GSDME: variants seen among roughly 807,000 people sequenced by gnomAD.
GSDME encodes gasdermin-E.
A neutral mutation model predicts 47.5 loss-of-function variants in GSDME; 44 were observed. The ratio of observed to expected loss-of-function variants is 0.93; its 90% CI spans 0.73 to 1.19. The LOEUF is 1.19. GSDME is among the 50% of genes most tolerant of loss of function. The pLI, the probability that GSDME is intolerant of heterozygous loss-of-function variation, is 0.00. For synonymous variants in GSDME, 258 were observed against 252.8 expected (o/e 1.02, Z -0.20); for missense variants, 663 against 604.2 (o/e 1.10, Z -1.02).
In GSDME at chr7:24,744,959, G is replaced by A. The variant is rs1208987100; in HGVS notation, c.212-205C>T. ...GTGTGTGTGTGTGTGTGTGGACCGC[G>A]GGCACACAGTGGACCAGTGCAGCAC... On this transcript the variant is annotated intron_variant, in intron 2 of 9. Coordinates refer to ENST00000645220, the MANE Select transcript of GSDME (RefSeq NM_001127453.2). The surrounding 1 kb of genome is among the most constrained non-coding windows in gnomAD (Gnocchi z 4.5). Among the ~76,000 whole-genome samples, 1 of 131,212 alleles carries A rather than the reference G, an allele frequency of 7.6e-6. No homozygotes were observed. Among genetic ancestry groups the A allele is most frequent in the African/African-American group, 2.9e-5 (1 of 35,050 alleles). The allele number at this position is 131,212 out of a possible 152,430, so 86.1% of individuals were successfully genotyped here.
At chr7:24,707,537 A>G (rs71535708) in intron 7 of GSDME, 17,850 of 408,926 alleles carry the variant, frequency 0.044, 489 homozygotes, top group Non-Finnish European at 0.058. Flanking sequence ...GTAGTGGCCC[A>G]CCAACATATG....
the GSDME span, among the ~76,000 whole-genome samples, chr7:24,766,214 T>TGTGTGCAC: frequency 1.3e-5 from 2 of 151,294 alleles, no homozygotes; most frequent in Non-Finnish European, 2.9e-5. This position sits in a 1 kb window ranked among gnomAD's most constrained non-coding sequence, Gnocchi z 4.2. Flanking sequence ...TGTGTGTGTG[T>TGTGTGCAC]GCATGTTTGC....
rs1322630032 is a variant in GSDME at position 24,714,626 on chromosome 7, A to C, written c.697+2628T>G. On this transcript the variant is annotated intron_variant, in intron 5 of 9. Transcript: ENST00000645220. The surrounding 1 kb of genome is among the most constrained non-coding windows in gnomAD (Gnocchi z 5.0). ...GCAGCACAAAGAGGAGTTTATTTTC[A>C]AAGACAGTGGAAGCTGGAAAAGATA... 1.3e-5 allele frequency among the ~76,000 whole-genome samples: 2 copies of C among 152,180 alleles called. No homozygotes were observed. The highest frequency in any genetic ancestry group is 2.9e-5 in the Non-Finnish European group (2 of 68,038).
In GSDME at chr7:24,709,755, C is replaced by T. The variant is rs77255349; in HGVS notation, c.862+469G>A. Among the ~76,000 whole-genome samples the T allele has an allele frequency of 2.8e-3, 432 of 152,308 alleles. 1 individual carries two copies. The highest frequency in any genetic ancestry group is 0.01 in the African/African-American group (418 of 41,564). ...GCCCCTCTTCCTCTTTGGCACCATG[C>T]AGTCCATGCCATGTGGATAAAGAGC... On this transcript the variant is annotated intron_variant, in intron 6 of 9. Coordinates refer to ENST00000645220, the MANE Select transcript of GSDME (RefSeq NM_001127453.2).
intron 3 of GSDME, among the ~76,000 whole-genome samples, chr7:24,731,688 C>T (rs1790151068): frequency 6.6e-6 from 1 of 152,238 alleles, no homozygotes; most frequent in South Asian, 2.1e-4. Context: ...ATGCCAAGCA[C>T]TACTATACCT....
chr7:24,762,311 C>G (rs776027777), upstream of GSDME, among the ~76,000 whole-genome samples: 1 of 150,692 alleles, frequency 6.6e-6, no homozygotes, highest in Non-Finnish European at 1.5e-5. Flanking sequence ...GTAAAAACTT[C>G]TGTATTGTTT....
In GSDME at chr7:24,744,441, T is replaced by C; in HGVS notation, c.404+121A>G. On this transcript the variant is annotated intron_variant, in intron 3 of 9. Coordinates refer to ENST00000645220, the MANE Select transcript of GSDME (RefSeq NM_001127453.2). This position sits in a 1 kb window ranked among gnomAD's most constrained non-coding sequence, Gnocchi z 4.5. ...CTCATGAAATTTCAACACAAGCGCA[T>C]TCAATACATGTTTATTGATCGGCAG... The C allele has an allele frequency of 9.0e-7, 1 of 1,105,004 alleles. No individual in the cohort carries two copies. The highest frequency in any genetic ancestry group is 1.3e-5 in the South Asian group (1 of 79,738). 68.4% of individuals were successfully genotyped at this position (1,105,004 alleles called of 1,614,324 possible). A position where few individuals can be genotyped will look rare whatever the true frequency, so the allele number is the denominator to read the frequency against.
At chr7:24,783,394 G>C in the GSDME span, among the ~76,000 whole-genome samples, 2 of 152,134 alleles carry the variant, frequency 1.3e-5, no homozygotes, top group African/African-American at 4.8e-5. Flanking sequence ...TGGAGTGAAT[G>C]CTCCAGAAAT....
intron 6 of GSDME, among the ~76,000 whole-genome samples, chr7:24,709,280 C>A (rs752501209): frequency 5.3e-5 from 8 of 152,186 alleles, no homozygotes; most frequent in Non-Finnish European, 7.3e-5. Context: ...AGCTGCAGCA[C>A]GGGACTGCCT....
Position 24,744,783 on chromosome 7 carries a change from CCGA to C in GSDME, c.212-32_212-30del, listed in dbSNP as rs536245534. 2,011 of 1,612,852 alleles carry C rather than the reference CCGA, an allele frequency of 1.2e-3. 24 individuals carry two copies. In the African/African-American group the frequency reaches 0.024, roughly 19 times the overall value. On this transcript the variant is annotated intron_variant, in intron 2 of 9. Transcript: ENST00000645220. This position sits in a 1 kb window ranked among gnomAD's most constrained non-coding sequence, Gnocchi z 4.5. ...GAATGGAGGAGACGAGCAGAGGAAG[CCGA>C]TGATGATAAGGCCACCAAGATGTCT...
At chr7:24,710,565 A>G (rs2128050078) in intron 5 of GSDME, 177 bp from the exon 6 acceptor site, 2 of 621,990 alleles carry the variant, frequency 3.2e-6, no homozygotes, top group South Asian at 3.9e-5. Flanking sequence ...TGCTTGACCA[A>G]AAGCCCAGCC....
the GSDME span, among the ~76,000 whole-genome samples, chr7:24,769,704 T>C: frequency 2.6e-5 from 4 of 152,212 alleles, no homozygotes; most frequent in African/African-American, 9.6e-5. Flanking sequence ...GTACATCATG[T>C]TCAGCTTTCA....
chr7:24,719,260 G>A (rs890697840), intron 3 of GSDME, 42 bp from the exon 4 acceptor site: 1 of 1,589,454 alleles, frequency 6.3e-7, no homozygotes, highest in Non-Finnish European at 8.6e-7. Flanking sequence ...GTGCCTCAGG[G>A]GACATTGGTG....
chr7:24,778,994 T>C, the GSDME span, among the ~76,000 whole-genome samples: 7 of 152,164 alleles, frequency 4.6e-5, no homozygotes, highest in Non-Finnish European at 1.0e-4. The surrounding 1 kb of genome is among the most constrained non-coding windows in gnomAD (Gnocchi z 5.6). Flanking sequence ...TCCTGGATAA[T>C]TGTCATGCTG....
the GSDME span, among the ~76,000 whole-genome samples, chr7:24,782,748 T>C: frequency 6.6e-6 from 1 of 152,254 alleles, no homozygotes; most frequent in African/African-American, 2.4e-5. Context: ...GACTTTTTAA[T>C]GATTGCCATT....
At chr7:24,752,071 T>C (rs548942823) in intron 1 of GSDME, among the ~76,000 whole-genome samples, 81 of 152,336 alleles carry the variant, frequency 5.3e-4, no homozygotes, top group African/African-American at 1.9e-3. Context: ...AAAGGAGCAC[T>C]ATATGGATGC....
chr7:24,701,449 G>C (rs919133941), intron 9 of GSDME, among the ~76,000 whole-genome samples: 10 of 152,192 alleles, frequency 6.6e-5, no homozygotes, highest in Admixed American at 6.5e-4. Context: ...GGACAGCTAA[G>C]TGTGAGTTTG....
At position 24,736,571 on chromosome 7, in the gene GSDME, C is replaced by G. The variant is rs984587058; in HGVS notation, c.404+7991G>C. On this transcript the variant is annotated intron_variant, in intron 3 of 9. Coordinates refer to ENST00000645220, the MANE Select transcript of GSDME (RefSeq NM_001127453.2). This position sits in a 1 kb window ranked among gnomAD's most constrained non-coding sequence, Gnocchi z 4.6. ...AGATAGGCCCCCAGTGCAGTAATAC[C>G]TGGAGACATCAACACCTAGCTTTCA... Among the ~76,000 whole-genome samples, 1 of 152,116 alleles carries G rather than the reference C, an allele frequency of 6.6e-6. No homozygotes were observed. The highest frequency in any genetic ancestry group is 1.5e-5 in the Non-Finnish European group (1 of 68,002).
At chr7:24,777,441 T>C in the GSDME span, among the ~76,000 whole-genome samples, 1 of 152,186 alleles carries the variant, frequency 6.6e-6, no homozygotes, top group Non-Finnish European at 1.5e-5. Flanking sequence ...AGATGGCTCT[T>C]AGGGGAAGAA....
Sources: gnomAD v4.1 joint callset for allele counts (sites outside exome capture counted in the v4.1 genomes callset) on GRCh38, gnomAD v4.1.1 for gene constraint, Gnocchi (gnomAD v3.1) non-coding constraint, MANE v1.5 for transcripts, NCBI Gene and HGNC (gene_info 2026-07-23, HGNC 2026-07-21) for gene names.